Variants in RUNX1T1 observed in about 807,000 individuals in gnomAD.
RUNX1T1 encodes protein CBFA2T1.
A neutral mutation model predicts 62.8 loss-of-function variants in RUNX1T1; 4 were observed. The ratio of observed to expected loss-of-function variants is 0.06; its 90% confidence interval spans 0.03 to 0.15. The LOEUF is 0.15. RUNX1T1 is among the 10% of genes least tolerant of loss of function. The pLI, the probability that RUNX1T1 is intolerant of heterozygous loss-of-function variation, is 1.00. For missense variants in RUNX1T1, 508 were observed against 754.3 expected (o/e 0.67, Z 3.82); for synonymous variants, 291 against 286.0 (o/e 1.02, Z -0.18).
At chr8:92,084,637 T>C (rs1056683720) in intron 1 of RUNX1T1, among the ~76,000 whole-genome samples, 34 of 152,202 alleles carry the variant, frequency 2.2e-4, no homozygotes, top group Admixed American at 1.6e-3. Context: ...AAGTCTGAAT[T>C]GCACGGATGA....
At chr8:91,992,761 G>T (rs185819448) in intron 5 of RUNX1T1, among the ~76,000 whole-genome samples, 40 of 152,252 alleles carry the variant, frequency 2.6e-4, no homozygotes, top group Admixed American at 4.6e-4. Context: ...CAGGTCACAT[G>T]GCAGGACGGG....
exon 11 of RUNX1T1, chr8:91,959,452 G>A (rs199736565): frequency 0.18 from 24,822 of 137,818 alleles, 2,217 homozygotes; most frequent in Admixed American, 0.29. Context: ...GTGTGTGTGT[G>A]TGTGTGTGTG....
intron 4 of RUNX1T1, among the ~76,000 whole-genome samples, chr8:92,008,281 G>T (rs983525651): frequency 6.6e-6 from 1 of 151,748 alleles, no homozygotes; most frequent in South Asian, 2.1e-4. Flanking sequence ...ATGAGGAAGC[G>T]GGGGGGAAGT....
rs574157137 is a variant in RUNX1T1 at position 91,984,454 on chromosome 8, A to C, written c.1198+1670T>G. On this transcript the variant is annotated intron_variant, in intron 8 of 10. Coordinates refer to ENST00000396218, the Ensembl canonical transcript of RUNX1T1. ...GTAGCTATCCTATGGCTTGAACACT[A>C]GCTATTCCCTTGCCTTCTTCCACTA... Among the ~76,000 whole-genome samples, 3 of 152,328 alleles carry C rather than the reference A, an allele frequency of 2.0e-5. No homozygotes were observed. In the South Asian group the frequency reaches 6.2e-4, roughly 32 times the overall value.
upstream of RUNX1T1, among the ~76,000 whole-genome samples, chr8:92,102,579 A>G (rs1838090456): frequency 6.6e-6 from 1 of 152,124 alleles, no homozygotes; most frequent in South Asian, 2.1e-4. This position sits in a 1 kb window ranked among gnomAD's most constrained non-coding sequence, Gnocchi z 4.5. Flanking sequence ...GAGAGGGAAG[A>G]AAAATTATTT....
chr8:92,064,466 A>G (rs954681740), upstream of RUNX1T1, among the ~76,000 whole-genome samples: 2 of 152,242 alleles, frequency 1.3e-5, no homozygotes, highest in Non-Finnish European at 2.9e-5. Context: ...AAGCTCAAAC[A>G]TTCTTATGAT....
intron 10 of RUNX1T1, among the ~76,000 whole-genome samples, chr8:91,967,656 C>T (rs1016935824): frequency 1.3e-5 from 2 of 152,138 alleles, no homozygotes; most frequent in African/African-American, 4.8e-5. Context: ...ACAAATAGCG[C>T]AGAAGAAACA....
At chr8:92,071,428 G>A (rs908246236) in intron 2 of RUNX1T1, 1 of 151,972 alleles carries the variant, frequency 6.6e-6, no homozygotes, top group Admixed American at 6.6e-5. Flanking sequence ...ACTGGTTAAC[G>A]TCTGTTGCTG....
intron 1 of RUNX1T1, among the ~76,000 whole-genome samples, chr8:92,026,551 G>C (rs975824009): frequency 6.6e-6 from 1 of 152,252 alleles, no homozygotes; most frequent in African/African-American, 2.4e-5. Context: ...GCTGGGCACA[G>C]TGGCTCATGC....
At chr8:92,065,311 CAA>C (rs1832714709), upstream of RUNX1T1, among the ~76,000 whole-genome samples, 1 of 152,102 alleles carries the variant, frequency 6.6e-6, no homozygotes, top group Non-Finnish European at 1.5e-5. Context: ...ATACATATTG[CAA>C]AAGTTTTCTC....
At chr8:92,033,118 C>T (rs1007313793) in intron 1 of RUNX1T1, among the ~76,000 whole-genome samples, 3 of 152,060 alleles carry the variant, frequency 2.0e-5, no homozygotes, top group African/African-American at 7.2e-5. Context: ...TACACAAATT[C>T]CACTCTTTGG....
exon 11 of RUNX1T1, chr8:91,959,434 G>GTA (rs1809899693): frequency 7.5e-6 from 1 of 132,472 alleles, no homozygotes; most frequent in African/African-American, 6.3e-5. Context: ...GTGTGTGTGT[G>GTA]TGTGTGTGTG....
intron 5 of RUNX1T1, 67 bp from the exon 7 acceptor site, chr8:91,991,956 A>G: frequency 6.6e-7 from 1 of 1,525,672 alleles, no homozygotes; most frequent in Non-Finnish European, 9.0e-7. Flanking sequence ...TCAGTCACTC[A>G]TATTTGAGCT....
chr8:92,033,815 C>A (rs1260119329), intron 1 of RUNX1T1, among the ~76,000 whole-genome samples: 1 of 151,872 alleles, frequency 6.6e-6, no homozygotes, highest in Admixed American at 6.6e-5. Context: ...ACTAAAAATA[C>A]AAAAATTAGC....
intron 8 of RUNX1T1, among the ~76,000 whole-genome samples, chr8:91,985,774 C>A (rs968146850): frequency 6.6e-6 from 1 of 152,132 alleles, no homozygotes; most frequent in African/African-American, 2.4e-5. Flanking sequence ...GAGACCTTGA[C>A]GGAAGTGCCT....
intron 10 of RUNX1T1, among the ~76,000 whole-genome samples, chr8:91,961,941 T>C (rs1306006060): frequency 6.6e-6 from 1 of 152,260 alleles, no homozygotes; most frequent in African/African-American, 2.4e-5. Flanking sequence ...GTCTCCCTAC[T>C]GTGTTCTCTA....
intron 4 of RUNX1T1, among the ~76,000 whole-genome samples, chr8:92,008,669 T>C (rs931949901): frequency 6.6e-6 from 1 of 152,128 alleles, no homozygotes; most frequent in African/African-American, 2.4e-5. Flanking sequence ...TGGCAAAGCA[T>C]TCGCTGGCTC....
intron 1 of RUNX1T1, among the ~76,000 whole-genome samples, chr8:92,084,373 A>G (rs1295964097): frequency 1.3e-5 from 2 of 152,190 alleles, no homozygotes; most frequent in Admixed American, 6.5e-5. Flanking sequence ...AAAATATAAC[A>G]GCAATAAATT....
intron 1 of RUNX1T1, chr8:92,094,906 C>G (rs1394209795): frequency 2.9e-6 from 2 of 697,830 alleles, no homozygotes; most frequent in African/African-American, 3.6e-5. Context: ...CCTTCTTCAT[C>G]TAAAGGCTTC....
Sources: allele counts gnomAD v4.1 joint callset (sites outside exome capture counted in the v4.1 genomes callset), GRCh38; gene constraint gnomAD v4.1.1; non-coding constraint Gnocchi (gnomAD v3.1); transcripts MANE v1.5; gene names NCBI Gene and HGNC (gene_info 2026-07-23, HGNC 2026-07-21).